Variants in CFAP46 observed in about 807,000 individuals in gnomAD.
The protein encoded by CFAP46 is cilia and flagella associated protein 46.
Under a neutral mutation model 325.7 loss-of-function variants are expected in CFAP46, and 245 were observed. The observed-to-expected ratio is 0.75, with a 90% CI of 0.68 to 0.84. The LOEUF (loss-of-function observed/expected upper bound fraction) is 0.84. Ranked by LOEUF, CFAP46 falls within the 40% of genes least tolerant of loss-of-function variation. The pLI is 0.00. For synonymous variants in CFAP46, 1,523 were observed against 1,495.9 expected (o/e 1.02, Z -0.42); for missense variants, 3,346 against 3,543.0 (o/e 0.94, Z 1.41).
intron 27 of CFAP46, among the ~76,000 whole-genome samples, chr10:132,882,566 G>C (rs1849063527): frequency 6.6e-6 from 1 of 151,960 alleles, no homozygotes; most frequent in African/African-American, 2.4e-5. Context: ...CCCAGGGCGG[G>C]GCCAGGCAGG....
At chr10:132,895,054 C>T (rs1849301710) in intron 24 of CFAP46, among the ~76,000 whole-genome samples, 1 of 152,016 alleles carries the variant, frequency 6.6e-6, no homozygotes, top group Non-Finnish European at 1.5e-5. Context: ...TGCAAAAATC[C>T]TCCACAAAAG....
chr10:132,866,273 A>G (rs1848811599), intron 34 of CFAP46, 102 bp from the exon 35 acceptor site: 3 of 1,242,440 alleles, frequency 2.4e-6, no homozygotes, highest in Non-Finnish European at 3.1e-6. Context: ...CCACACAGGG[A>G]GCCACACCAC....
intron 25 of CFAP46, among the ~76,000 whole-genome samples, chr10:132,891,497 A>T (rs909430290): frequency 6.6e-6 from 1 of 152,224 alleles, no homozygotes; most frequent in Non-Finnish European, 1.5e-5. Flanking sequence ...CGCATGACAG[A>T]TAGCAGGCCT....
intron 50 of CFAP46, among the ~76,000 whole-genome samples, chr10:132,822,626 C>CGG (rs1847890405): frequency 8.7e-6 from 1 of 115,358 alleles, no homozygotes; most frequent in African/African-American, 3.5e-5. Context: ...TGTGTGAGTG[C>CGG]TGATGTGTGC....
intron 13 of CFAP46, among the ~76,000 whole-genome samples, chr10:132,920,675 C>T (rs1043788876): frequency 6.6e-6 from 1 of 152,244 alleles, no homozygotes; most frequent in Non-Finnish European, 1.5e-5. Flanking sequence ...GCATGGGCGA[C>T]CCCGGGGGCT....
Position 132,814,389 on chromosome 10 carries a change from T to C in CFAP46, c.7286-135A>G, listed in dbSNP as rs1455335038. On this transcript the variant is annotated intron_variant, in intron 53 of 57. Transcript: ENST00000368586. The stretch of plus-strand genomic sequence containing the variant: ...GCCCTGCCATGCCCGGGTGGGGTGA[T>C]GGTAGAACCAGGCTAGCCAGAGAGA... The C allele has an allele frequency of 4.8e-6, 5 of 1,044,436 alleles. No individual in the cohort carries two copies. The East Asian group carries it at 7.8e-5, about 16-fold the overall frequency. The allele number at this position is 1,044,436 out of a possible 1,614,324, so 64.7% of individuals were successfully genotyped here. A position where few individuals can be genotyped will look rare whatever the true frequency, so the allele number is the denominator to read the frequency against.
chr10:132,823,386 ACT>A (rs1159219562), intron 50 of CFAP46, among the ~76,000 whole-genome samples: 1 of 56,274 alleles, frequency 1.8e-5, no homozygotes, highest in Non-Finnish European at 3.2e-5. Flanking sequence ...CTGTGTGTGC[ACT>A]GATGTGTGCT....
intron 35 of CFAP46, among the ~76,000 whole-genome samples, chr10:132,861,462 G>A (rs1056258973): frequency 3.3e-5 from 5 of 152,234 alleles, no homozygotes; most frequent in African/African-American, 7.2e-5. Flanking sequence ...TGCTGGCCCC[G>A]TCCTGGCCCT....
At chr10:132,816,488 C>T (rs747448889) in intron 50 of CFAP46, among the ~76,000 whole-genome samples, 2 of 151,996 alleles carry the variant, frequency 1.3e-5, no homozygotes, top group African/African-American at 2.4e-5. Flanking sequence ...CCCGCCACCA[C>T]GCCCGGCTAA....
At position 132,810,888 on chromosome 10, in the gene CFAP46, C is replaced by T. The variant is rs534740653; in HGVS notation, c.7583+62G>A. On this transcript the variant is annotated intron_variant, in intron 56 of 57. Coordinates refer to ENST00000368586, the MANE Select transcript of CFAP46 (RefSeq NM_001200049.3). ...TCCCTCCTCCCTTGTGGGTCCCACGCCCGTCTGTCTGACCTCTCCATCCTC... is the reference window on the plus strand; with the variant it reads ...TCCCTCCTCCCTTGTGGGTCCCACGTCCGTCTGTCTGACCTCTCCATCCTC... 962 of 1,471,354 alleles carry T rather than the reference C, an allele frequency of 6.5e-4. 1 individual carries two copies. The highest frequency in any genetic ancestry group is 8.3e-4 in the Non-Finnish European group (898 of 1,075,858). 91.1% of individuals were successfully genotyped at this position (1,471,354 alleles called of 1,614,324 possible). A position where few individuals can be genotyped will look rare whatever the true frequency, so the allele number is the denominator to read the frequency against.
chr10:132,850,138 G>A (rs1252107540), intron 41 of CFAP46, 106 bp downstream of exon 41: 1 of 1,141,014 alleles, frequency 8.8e-7, no homozygotes, highest in Non-Finnish European at 1.3e-6. Flanking sequence ...CTCTCTTCCT[G>A]GGGCCACTGC....
rs575179131 is a variant in CFAP46 at position 132,827,764 on chromosome 10, C to A, written c.7117+5594G>T. On this transcript the variant is annotated intron_variant, in intron 50 of 57. Transcript: ENST00000368586. The surrounding 1 kb of genome is among the most constrained non-coding windows in gnomAD (Gnocchi z 5.7). Reference sequence around the variant, plus strand: ...CCCTCCTGCACCCACGACCCTCCCCCAACTTCTCCTGCAGCCCCAGCCCCC... The same window carrying A: ...CCCTCCTGCACCCACGACCCTCCCCAAACTTCTCCTGCAGCCCCAGCCCCC... Among the ~76,000 whole-genome samples the A allele has an allele frequency of 1.1e-4, 16 of 152,150 alleles. 1 individual carries two copies. The highest frequency in any genetic ancestry group is 6.5e-4 in the Admixed American group (10 of 15,292).
At chr10:132,820,929 G>C (rs1270982287) in intron 50 of CFAP46, among the ~76,000 whole-genome samples, 11 of 122,424 alleles carry the variant, frequency 9.0e-5, no homozygotes, top group Non-Finnish European at 1.5e-4. Context: ...TGTGTGCTGT[G>C]TGTGCGCTGA....
intron 25 of CFAP46, among the ~76,000 whole-genome samples, chr10:132,887,285 C>G (rs1462054306): frequency 9.0e-6 from 1 of 111,202 alleles, no homozygotes; most frequent in Non-Finnish European, 1.8e-5. Context: ...CTCTCTCCTC[C>G]CCTCTTCTTT....
At chr10:132,866,286 C>A in intron 34 of CFAP46, 115 bp from the exon 35 acceptor site, 3 of 1,115,814 alleles carry the variant, frequency 2.7e-6, no homozygotes, top group Non-Finnish European at 1.2e-6. Context: ...CACACCACAC[C>A]AAGGGCTCCC....
rs912034481 is a variant in CFAP46, at chr10:132,827,035, G to A, written c.7117+6323C>T. Among the ~76,000 whole-genome samples the A allele has an allele frequency of 3.3e-5, 5 of 152,070 alleles. No homozygotes were observed. In the South Asian group the frequency reaches 6.2e-4, roughly 19 times the overall value. On this transcript the variant is annotated intron_variant, in intron 50 of 57. Transcript: ENST00000368586. This position sits in a 1 kb window ranked among gnomAD's most constrained non-coding sequence, Gnocchi z 5.7. ...CATGGTGCACTTCACTATCAAAAAC[G>A]GTTTCCGACACCTCCATGAGCCTCG...
rs545599840 is a variant in CFAP46, at chr10:132,866,319, GC to G, written c.4744-149del. The stretch of plus-strand genomic sequence containing the variant: ...CCCTGCTGGCCTAGGCACCATGGGC[GC>G]CTCGCAAGCTCCCCGTGTGCCCCAA... On this transcript the variant is annotated intron_variant, in intron 34 of 57. Coordinates refer to ENST00000368586, the MANE Select transcript of CFAP46 (RefSeq NM_001200049.3). 5.2e-3 allele frequency: 4,310 copies of G among 823,330 alleles called. 14 individuals are homozygous for G. The highest frequency in any genetic ancestry group is 6.8e-3 in the Middle Eastern group (17 of 2,514). The allele number at this position is 823,330 out of a possible 1,614,324, so 51.0% of individuals were successfully genotyped here.
At chr10:132,859,391 C>T in intron 37 of CFAP46, 144 bp from the exon 38 acceptor site, 1 of 661,874 alleles carries the variant, frequency 1.5e-6, no homozygotes, top group African/African-American at 1.8e-5. Flanking sequence ...AAATCAACAT[C>T]ATATGGGCCT....
chr10:132,935,717 C>G (rs1849989542), intron 7 of CFAP46, among the ~76,000 whole-genome samples: 1 of 129,506 alleles, frequency 7.7e-6, no homozygotes. Context: ...TCTCCTCACT[C>G]CCCTCGGCAC....
Sources: allele counts gnomAD v4.1 joint callset (sites outside exome capture counted in the v4.1 genomes callset), GRCh38; gene constraint gnomAD v4.1.1; non-coding constraint Gnocchi (gnomAD v3.1); transcripts MANE v1.5; gene names NCBI Gene and HGNC (gene_info 2026-07-23, HGNC 2026-07-21).